The following PHF14 variants were observed in gnomAD, a reference collection of about 807,000 sequenced individuals.
PHF14 encodes PHD finger protein 14.
A neutral mutation model predicts 117.9 loss-of-function variants in PHF14; 55 were observed. The observed-to-expected ratio is 0.47, with a 90% confidence interval of 0.38 to 0.58. The LOEUF (loss-of-function observed/expected upper bound fraction) is 0.58, where lower values mean the gene tolerates loss of function less well. PHF14 is among the 20% of genes least tolerant of loss of function. PHF14 has a pLI of 0.00. For missense variants in PHF14, 978 were observed against 1,122.2 expected (o/e 0.87, Z 1.84); for synonymous variants, 409 against 368.6 (o/e 1.11, Z -1.26).
At chr7:11,045,931 T>G (rs1784648782) in intron 13 of PHF14, among the ~76,000 whole-genome samples, 1 of 152,156 alleles carries the variant, frequency 6.6e-6, no homozygotes. Flanking sequence ...TAAGTAAATG[T>G]GATTATTTGA....
chr7:11,000,465 G>A lies in PHF14; in HGVS notation c.1045+9618G>A, dbSNP rs185491552. 1.0e-3 allele frequency among the ~76,000 whole-genome samples: 152 copies of A among 148,046 alleles called. 1 individual carries two copies. The highest frequency in any genetic ancestry group is 3.6e-3 in the African/African-American group (144 of 40,342). On this transcript the variant is annotated intron_variant, in intron 4 of 17. Coordinates refer to ENST00000634607, the MANE Select transcript of PHF14 (RefSeq NM_001007157.2). ...TGCGATTCTCGTGCCTCAGCTTCCT[G>A]TGTAGCTGGGATTACAGGCACACAC... is the stretch of plus-strand genomic sequence containing the variant.
chr7:11,038,871 AT>A lies in PHF14; in HGVS notation c.2076+18del, dbSNP rs894113541. The A allele has an allele frequency of 1.6e-6, 2 of 1,262,622 alleles. No individual in the cohort carries two copies. Among genetic ancestry groups the A allele is most frequent in the Non-Finnish European group, 2.3e-6 (2 of 884,736 alleles). 78.2% of individuals were successfully genotyped at this position (1,262,622 alleles called of 1,614,324 possible). A position where few individuals can be genotyped will look rare whatever the true frequency, so the allele number is the denominator to read the frequency against. On this transcript the variant is annotated intron_variant, in intron 11 of 17. Coordinates refer to ENST00000634607, the MANE Select transcript of PHF14 (RefSeq NM_001007157.2). ...CACAGGGCAGGTTAGTTTCTTTCCA[AT>A]TGCTGTCTCCTTCAGTTCTTGCTCC... is the stretch of plus-strand genomic sequence containing the variant.
intron 14 of PHF14, among the ~76,000 whole-genome samples, chr7:11,057,005 A>G (rs900487344): frequency 1.3e-5 from 2 of 151,958 alleles, no homozygotes; most frequent in Admixed American, 6.6e-5. Flanking sequence ...AGCATGTTCT[A>G]TTTTTACATA....
chr7:10,979,741 G>T (rs1240146008), intron 2 of PHF14, among the ~76,000 whole-genome samples: 2 of 152,002 alleles, frequency 1.3e-5, no homozygotes, highest in African/African-American at 4.8e-5. Context: ...AAAAGAAATA[G>T]TGACTAATTA....
chr7:11,052,276 T>C (rs904263533), intron 14 of PHF14, among the ~76,000 whole-genome samples: 40 of 152,238 alleles, frequency 2.6e-4, no homozygotes, highest in African/African-American at 8.9e-4. Context: ...TGACCAAAAT[T>C]ATGTTGATTT....
intron 4 of PHF14, among the ~76,000 whole-genome samples, chr7:10,995,743 G>A (rs944324074): frequency 1.2e-4 from 18 of 152,294 alleles, no homozygotes; most frequent in Middle Eastern, 3.4e-3. Context: ...CAGCGCCGGC[G>A]GGCCAGCACT....
At chr7:11,018,379 A>G (rs1636756) in intron 5 of PHF14, among the ~76,000 whole-genome samples, 84,930 of 151,872 alleles carry the variant, frequency 0.56, 25,022 homozygotes, top group Middle Eastern at 0.71. Context: ...CCAGTTTGTG[A>G]ACATGGAATA....
Position 11,153,948 on chromosome 7 carries a change from C to CGTGT in PHF14, c.2773-15447_2773-15444dup, listed in dbSNP as rs10593375. Among the ~76,000 whole-genome samples the CGTGT allele has an allele frequency of 2.2e-3, 331 of 149,378 alleles. 2 individuals carry two copies. Among genetic ancestry groups the CGTGT allele is most frequent in the South Asian group, 0.011 (54 of 4,736 alleles). On this transcript the variant is annotated intron_variant, in intron 17 of 17. Coordinates refer to ENST00000634607, the MANE Select transcript of PHF14 (RefSeq NM_001007157.2). ...TGAAAGTGGTCCCTGTCTGTGTGTG[C>CGTGT]GTGTGTGTGTGTGTGTGTGTGTGTT...
intron 2 of PHF14, among the ~76,000 whole-genome samples, chr7:10,976,436 T>C (rs906572228): frequency 2.0e-5 from 3 of 152,184 alleles, no homozygotes; most frequent in Admixed American, 1.3e-4. Context: ...TGGTTGTGGT[T>C]GTAAACTTTG....
intron 17 of PHF14, among the ~76,000 whole-genome samples, chr7:11,161,239 A>T (rs1050337274): frequency 6.6e-6 from 1 of 152,128 alleles, no homozygotes; most frequent in African/African-American, 2.4e-5. Flanking sequence ...AGCAAAAAAA[A>T]TATTTTTCTC....
intron 17 of PHF14, among the ~76,000 whole-genome samples, chr7:11,164,932 C>CT (rs1029330126): frequency 1.5e-3 from 228 of 149,994 alleles, no homozygotes; most frequent in African/African-American, 5.0e-3. Context: ...CCTTGACATT[C>CT]TTTTTTTTTT....
At chr7:11,163,640 T>C (rs2128357718) in intron 17 of PHF14, among the ~76,000 whole-genome samples, 1 of 152,328 alleles carries the variant, frequency 6.6e-6, no homozygotes, top group Admixed American at 6.5e-5. Flanking sequence ...TGTAAAACGT[T>C]AAAAACTCTA....
chr7:11,034,539 A>ATT (rs56043099), intron 7 of PHF14, among the ~76,000 whole-genome samples: 22,847 of 63,234 alleles, frequency 0.36, 7,126 homozygotes, highest in East Asian at 0.49. Flanking sequence ...TCTTAATTCT[A>ATT]TTTTTTTTTT....
chr7:11,061,880 T>C, intron 15 of PHF14, 39 bp downstream of exon 15: 4 of 1,521,596 alleles, frequency 2.6e-6, no homozygotes, highest in Non-Finnish European at 3.5e-6. Context: ...GTCTTAACTT[T>C]GAGAAATTTT....
intron 17 of PHF14, among the ~76,000 whole-genome samples, chr7:11,155,055 T>A (rs17164002): frequency 0.018 from 2,797 of 152,290 alleles, 36 homozygotes; most frequent in Middle Eastern, 0.048. Context: ...CATTAATGAT[T>A]AAAAACTGTC....
At chr7:11,045,510 A>G (rs1784635249) in intron 13 of PHF14, among the ~76,000 whole-genome samples, 1 of 152,236 alleles carries the variant, frequency 6.6e-6, no homozygotes, top group African/African-American at 2.4e-5. Flanking sequence ...TTACTATACA[A>G]TCTGTTGCCT....
chr7:11,120,343 A>C (rs1473135943), intron 17 of PHF14, among the ~76,000 whole-genome samples: 7 of 152,072 alleles, frequency 4.6e-5, no homozygotes, highest in Admixed American at 1.3e-4. Flanking sequence ...CAAGCATTTT[A>C]GGCACAGAGA....
chr7:11,040,739 C>T lies in PHF14; in HGVS notation c.2144C>T (p.Thr715Ile). 6.4e-7 allele frequency: 1 copy of T among 1,563,880 alleles called. No homozygotes were observed. The highest frequency in any genetic ancestry group is 8.7e-7 in the Non-Finnish European group (1 of 1,152,340). Reference protein sequence around the residue: ...ERKPSKKEGGTQKTSTLPAVL... With the variant: ...ERKPSKKEGGIQKTSTLPAVL... ...AAACCAAGTAAAAAAGAAGGAGGCA[C>T]ACAAAAGACATCTACTCTTCCTGCA... Residue 715 changes from threonine (T) to isoleucine (I), a missense_variant, in exon 12 of 18, where the codon ACA becomes ATA. Thr to Ile is a moderately conservative substitution (Grantham distance 89). This residue lies in a region of PHF14 where 237 missense variants were observed against 276.4 expected (regional missense o/e 0.86). Transcript: ENST00000634607.
intron 12 of PHF14, among the ~76,000 whole-genome samples, chr7:11,041,682 A>G (rs1033098212): frequency 1.3e-5 from 2 of 151,896 alleles, no homozygotes; most frequent in Non-Finnish European, 2.9e-5. Context: ...GAACATTAGC[A>G]CATTCTCAGG....
Sources: allele counts gnomAD v4.1 joint callset (sites outside exome capture counted in the v4.1 genomes callset), GRCh38; gene constraint gnomAD v4.1.1; regional missense constraint gnomAD v4.1.1; transcripts MANE v1.5; gene names NCBI Gene and HGNC (gene_info 2026-07-23, HGNC 2026-07-21).